DDX43: variants seen among roughly 807,000 people sequenced by gnomAD.
DDX43 encodes probable ATP-dependent RNA helicase DDX43.
Under a neutral mutation model 84.9 loss-of-function variants are expected in DDX43, and 50 were observed. The observed-to-expected ratio is 0.59, with a 90% CI of 0.47 to 0.75. The LOEUF is 0.75. Ranked by LOEUF, DDX43 falls within the 30% of genes least tolerant of loss-of-function variation. DDX43 has a pLI of 0.00. For synonymous variants in DDX43, 291 were observed against 266.3 expected, an observed-to-expected ratio of 1.09 and a Z score of -0.90; for missense variants, 689 against 798.6, an observed-to-expected ratio of 0.86 and a Z score of 1.65.
intron 10 of DDX43, among the ~76,000 whole-genome samples, chr6:73,410,746 C>T (rs557157030): frequency 1.2e-4 from 19 of 152,106 alleles, no homozygotes; most frequent in Admixed American, 9.2e-4. Flanking sequence ...GTGCATGCCA[C>T]CACACCCAGC....
chr6:73,404,005 G>A (rs1769626925), intron 4 of DDX43, among the ~76,000 whole-genome samples: 1 of 152,114 alleles, frequency 6.6e-6, no homozygotes, highest in African/African-American at 2.4e-5. Flanking sequence ...TTTTAGTACA[G>A]ATGGGGTTTC....
At chr6:73,411,107 C>T (rs552585440) in intron 10 of DDX43, among the ~76,000 whole-genome samples, 6 of 128,168 alleles carry the variant, frequency 4.7e-5, no homozygotes, top group Non-Finnish European at 7.8e-5. Flanking sequence ...ACCTGGGAGG[C>T]GGAGCTTGCA....
At chr6:73,397,483 C>T (rs1375566629) in intron 1 of DDX43, among the ~76,000 whole-genome samples, 2 of 152,190 alleles carry the variant, frequency 1.3e-5, no homozygotes, top group African/African-American at 4.8e-5. Flanking sequence ...TCCATAGTCT[C>T]CACCTGTCTG....
intron 13 of DDX43, 126 bp downstream of exon 13, chr6:73,414,205 A>G (rs754956180): frequency 2.2e-5 from 14 of 637,018 alleles, no homozygotes; most frequent in African/African-American, 7.3e-5. Flanking sequence ...GTATCCTACA[A>G]CTACACTCAT....
At chr6:73,405,464 A>T (rs1376473346) in intron 5 of DDX43, among the ~76,000 whole-genome samples, 1 of 152,210 alleles carries the variant, frequency 6.6e-6, no homozygotes, top group Non-Finnish European at 1.5e-5. Flanking sequence ...CTACTAATGT[A>T]TAATGTTTTT....
intron 4 of DDX43, among the ~76,000 whole-genome samples, chr6:73,402,347 CAA>C (rs994760250): frequency 9.9e-5 from 15 of 150,840 alleles, no homozygotes; most frequent in African/African-American, 3.4e-4. Context: ...TCCTGGTTGA[CAA>C]GAGCAAAAAA....
chr6:73,409,886 C>T (rs571457524), intron 10 of DDX43, among the ~76,000 whole-genome samples: 10 of 152,084 alleles, frequency 6.6e-5, no homozygotes, highest in South Asian at 4.2e-4. Flanking sequence ...CAAACTTAGC[C>T]GGGCATAGTG....
intron 10 of DDX43, among the ~76,000 whole-genome samples, chr6:73,410,467 GA>G (rs1367630671): frequency 3.3e-5 from 5 of 151,914 alleles, no homozygotes; most frequent in Admixed American, 3.3e-4. Context: ...CCCAGCCCAA[GA>G]AAAGAGAACT....
chr6:73,407,394 C>A, intron 7 of DDX43, 111 bp from the exon 8 acceptor site: 1 of 730,500 alleles, frequency 1.4e-6, no homozygotes, highest in Non-Finnish European at 2.4e-6. Flanking sequence ...GCTGAGATTA[C>A]AGGCGTGAGC....
intron 11 of DDX43, among the ~76,000 whole-genome samples, chr6:73,412,642 T>TGG (rs1769811302): frequency 1.7e-5 from 1 of 59,302 alleles, no homozygotes; most frequent in Admixed American, 2.3e-4. Context: ...ATATATAGTG[T>TGG]GTGTGTGTGT....
chr6:73,400,261 G>A lies in DDX43; in HGVS notation c.334G>A (p.Val112Ile). Residue 112 changes from valine (V) to isoleucine (I), a missense_variant, in exon 3 of 17, where the codon GTC becomes ATC. Transcript: ENST00000370336. ...QIIQEQPESLVKIFGSKAMQT... is the reference protein window; with the variant it reads ...QIIQEQPESLIKIFGSKAMQT... ...AATACAAGAACAACCAGAATCATTA[G>A]TCAAAATTTTTGGCAGCAAGGCAAT... is the stretch of plus-strand genomic sequence containing the variant. 1 of 1,605,534 alleles carries A rather than the reference G, an allele frequency of 6.2e-7. No homozygotes were observed. Among genetic ancestry groups the A allele is most frequent in the Non-Finnish European group, 8.5e-7 (1 of 1,176,888 alleles).
intron 2 of DDX43, among the ~76,000 whole-genome samples, chr6:73,398,215 T>G (rs890917511): frequency 2.6e-5 from 4 of 152,150 alleles, no homozygotes; most frequent in Non-Finnish European, 4.4e-5. Context: ...AATTTTAAGC[T>G]GTTCCAGGTG....
In DDX43 at chr6:73,414,005, A is replaced by G. The variant is rs779194775; in HGVS notation, c.1532A>G (p.Asn511Ser). The G allele has an allele frequency of 4.3e-6, 7 of 1,612,564 alleles. No homozygotes were observed. The South Asian group carries it at 6.6e-5, about 15-fold the overall frequency. The change falls in exon 13 of 17, where the codon AAT (asparagine) becomes AGT (serine). Residue 511 changes from asparagine to serine, a missense_variant. Physicochemically the swap from Asn to Ser is conservative, Grantham distance 46 (BLOSUM62 1). Around this residue, in one of 2 missense-constraint regions of DDX43, gnomAD observed 552 missense variants for 692.7 expected, o/e 0.80. Transcript: ENST00000370336. ...TTATCAAGTGACCTAATACTTGGAA[A>G]TATATCAGTAGAGTCTCTGCATGGA... Reference protein sequence around the residue: ...DHLSSDLILGNISVESLHGDR... With the variant: ...DHLSSDLILGSISVESLHGDR...
chr6:73,394,971 A>C lies in DDX43; in HGVS notation c.66A>C (p.Thr22=), dbSNP rs533782115. The change falls in exon 1 of 17, where the codon ACA becomes ACC. Residue 22 remains threonine (T), a synonymous_variant. Coordinates refer to ENST00000370336, the MANE Select transcript of DDX43 (RefSeq NM_018665.3). ...TCGTTGCTAGTCGGCGAAGCTCGAC[A>C]GTGTCCCGAGCGCCAGAGAGGAGGC... ...TWVVASRRSS[T]VSRAPERRPA... is the part of the protein sequence containing the mutation. The C allele has an allele frequency of 9.3e-5, 150 of 1,614,150 alleles. No individual in the cohort carries two copies. The highest frequency in any genetic ancestry group is 1.3e-4 in the Non-Finnish European group (148 of 1,180,044).
chr6:73,402,020 A>G (rs770693047), intron 4 of DDX43, 30 bp downstream of exon 4: 1 of 1,610,460 alleles, frequency 6.2e-7, no homozygotes, highest in South Asian at 1.1e-5. Context: ...ATTTACATAT[A>G]TTGTTTCTGT....
At chr6:73,412,070 G>A (rs1340002697) in intron 10 of DDX43, 135 bp from the exon 11 acceptor site, 11 of 656,592 alleles carry the variant, frequency 1.7e-5, no homozygotes, top group Non-Finnish European at 1.8e-5. Flanking sequence ...TGAATTAACT[G>A]TTAAATTTGC....
chr6:73,400,390 CT>C, intron 3 of DDX43, 27 bp downstream of exon 3: 1 of 1,565,728 alleles, frequency 6.4e-7, no homozygotes, highest in Non-Finnish European at 8.6e-7. Context: ...CACTGAACCC[CT>C]TTAAAAGTTT....
Position 73,401,862 on chromosome 6 carries a change from C to G in DDX43, c.440C>G (p.Thr147Ser). The G allele has an allele frequency of 6.3e-7, 1 of 1,587,322 alleles. No homozygotes were observed. Among genetic ancestry groups the G allele is most frequent in the Middle Eastern group, 1.7e-4 (1 of 5,998 alleles). The change falls in exon 4 of 17, where the codon ACT becomes AGT. Residue 147 changes from threonine to serine, a missense_variant. Physicochemically the swap from Thr to Ser is moderately conservative, Grantham distance 58 (BLOSUM62 1). This residue lies in a region of DDX43 where 552 missense variants were observed against 692.7 expected (regional missense o/e 0.80). Transcript: ENST00000370336. ...TCGATACAAATGTTTTTAACAGATA[C>G]TGCATTCCAACCTTCTGTTGGAAAA... The part of the protein sequence containing the change: ...ENYNSECGID[T>S]AFQPSVGKDG...
chr6:73,400,383 T>A lies in DDX43; in HGVS notation c.436+20T>A, dbSNP rs112342050. On this transcript the variant is annotated intron_variant, in intron 3 of 16. Transcript: ENST00000370336. ...GAATTGGTAAGTAATTTTCTCCCACTGAACCCCTTTAAAAGTTTTTAATTT... is the reference window on the plus strand; with the variant it reads ...GAATTGGTAAGTAATTTTCTCCCACAGAACCCCTTTAAAAGTTTTTAATTT... The A allele has an allele frequency of 6.3e-7, 1 of 1,585,106 alleles. No homozygotes were observed. Among genetic ancestry groups the A allele is most frequent in the East Asian group, 2.3e-5 (1 of 43,912 alleles).
Sources: gnomAD v4.1 joint callset for allele counts (sites outside exome capture counted in the v4.1 genomes callset) on GRCh38, gnomAD v4.1.1 for gene constraint, gnomAD v4.1.1 regional missense constraint, MANE v1.5 for transcripts, NCBI Gene and HGNC (gene_info 2026-07-23, HGNC 2026-07-21) for gene names.